Variants in CSMD1 observed in about 807,000 individuals in gnomAD.
CSMD1 encodes the protein CUB and sushi domain-containing protein 1.
In CSMD1, 213 loss-of-function variants were observed where a neutral mutation model predicts 417.5. That is an observed-to-expected ratio of 0.51 (90% confidence interval 0.46 to 0.57). The LOEUF (loss-of-function observed/expected upper bound fraction) is 0.57. Among genes scored for constraint, CSMD1 ranks in the 20% least tolerant of loss-of-function variants. The probability of loss-of-function intolerance (pLI) is 0.00; values close to 1 mark genes in which losing one functional copy is unlikely to be tolerated. For missense variants in CSMD1, 6,923 were observed against 4,529.7 expected (o/e 1.53, Z -15.17); for synonymous variants, 2,862 against 1,736.8 (o/e 1.65, Z -16.11).
rs570900240 is a variant in CSMD1 at position 2,980,097 on chromosome 8, G to A, written c.8378-1297C>T. ...CTTTCATAAGGAGACGGACAGTCCCGGGCTGGAACACTAAAGATATTTTTG... is the reference window on the plus strand; with the variant it reads ...CTTTCATAAGGAGACGGACAGTCCCAGGCTGGAACACTAAAGATATTTTTG... On this transcript the variant is annotated intron_variant, in intron 54 of 69. Transcript: ENST00000635120. Among the ~76,000 whole-genome samples the A allele has an allele frequency of 3.9e-5, 6 of 152,280 alleles. No homozygotes were observed. In the South Asian group the frequency reaches 1.0e-3, roughly 26 times the overall value.
chr8:3,997,880 T>C (rs1209217312), intron 5 of CSMD1, 23 bp downstream of exon 5: 3 of 1,598,148 alleles, frequency 1.9e-6, no homozygotes, highest in Admixed American at 3.4e-5. Flanking sequence ...GTATCCTTTG[T>C]GGCATCTCTT....
chr8:4,965,047 G>A (rs763441873), intron 1 of CSMD1, among the ~76,000 whole-genome samples: 16 of 152,112 alleles, frequency 1.1e-4, no homozygotes, highest in Non-Finnish European at 1.8e-4. Flanking sequence ...TTTAAAGAAG[G>A]AATCAAATAT....
At chr8:4,512,808 T>C (rs1436129166) in intron 2 of CSMD1, among the ~76,000 whole-genome samples, 2 of 143,266 alleles carry the variant, frequency 1.4e-5, no homozygotes, top group East Asian at 2.2e-4. Context: ...ATAGCCCATG[T>C]TCATGGATTT....
At chr8:4,889,082 C>T (rs905934758) in intron 1 of CSMD1, among the ~76,000 whole-genome samples, 1 of 152,018 alleles carries the variant, frequency 6.6e-6, no homozygotes, top group Non-Finnish European at 1.5e-5. Flanking sequence ...AGTGAATGAA[C>T]GTTTGATGAG....
intron 8 of CSMD1, among the ~76,000 whole-genome samples, chr8:3,604,303 G>C (rs943613219): frequency 1.3e-5 from 2 of 152,282 alleles, no homozygotes; most frequent in South Asian, 2.1e-4. Context: ...AGGCTGCGGG[G>C]GGGGACCAAA....
In CSMD1 at chr8:3,991,411, C is replaced by G. The variant is rs148028524; in HGVS notation, c.818+6492G>C. ...CATATATAACCCTGTTTAGTCACAT[C>G]TTTATGCGACAGCTTCATGGTAACA... On this transcript the variant is annotated intron_variant, in intron 5 of 69. Transcript: ENST00000635120. 8.3e-3 allele frequency among the ~76,000 whole-genome samples: 1,258 copies of G among 152,256 alleles called. 12 individuals carry two copies. Among genetic ancestry groups the G allele is most frequent in the African/African-American group, 0.029 (1,190 of 41,546 alleles).
chr8:3,464,498 G>A lies in CSMD1; in HGVS notation c.1561+4214C>T, dbSNP rs145647348. On this transcript the variant is annotated intron_variant, in intron 12 of 69. Transcript: ENST00000635120. ...ATATAAAATGGAGAAACTATGCCCC[G>A]GACTCACATTATCTTTTCTTATATA... is the stretch of plus-strand genomic sequence containing the variant. Among the ~76,000 whole-genome samples, 40 of 150,942 alleles carry A rather than the reference G, an allele frequency of 2.7e-4. 1 individual carries two copies. In the East Asian group the frequency reaches 2.7e-3, roughly 10 times the overall value.
intron 3 of CSMD1, among the ~76,000 whole-genome samples, chr8:4,124,413 T>G (rs1321942750): frequency 6.6e-6 from 1 of 152,202 alleles, no homozygotes; most frequent in African/African-American, 2.4e-5. Flanking sequence ...TATTTAATTT[T>G]TTTCCCTTTA....
At chr8:3,463,745 G>A (rs551693656) in intron 12 of CSMD1, among the ~76,000 whole-genome samples, 9 of 152,136 alleles carry the variant, frequency 5.9e-5, no homozygotes, top group African/African-American at 1.9e-4. Flanking sequence ...GTACAACCAC[G>A]CAAGACGAGA....
At chr8:3,059,728 G>A (rs1005888920) in intron 49 of CSMD1, among the ~76,000 whole-genome samples, 1 of 152,126 alleles carries the variant, frequency 6.6e-6, no homozygotes, top group African/African-American at 2.4e-5. Context: ...GAGGAGAGTG[G>A]ACTGGGGGAG....
intron 1 of CSMD1, among the ~76,000 whole-genome samples, chr8:4,738,523 C>A (rs968715106): frequency 1.3e-5 from 2 of 152,036 alleles, no homozygotes; most frequent in African/African-American, 4.8e-5. Flanking sequence ...TCAATGACAT[C>A]CACCTGGCCA....
At chr8:4,964,796 A>T (rs1483958709) in intron 1 of CSMD1, among the ~76,000 whole-genome samples, 2 of 152,150 alleles carry the variant, frequency 1.3e-5, no homozygotes, top group Non-Finnish European at 2.9e-5. Context: ...TGTTCTTTTT[A>T]TCGTCGTTGT....
At position 4,802,485 on chromosome 8, in the gene CSMD1, T is replaced by A. The variant is rs114394723; in HGVS notation, c.86-164927A>T. ...GAAAACAAACCACGAAATCAAACAA[T>A]AAAAACAAGACACCACTTAAGAAAA... On this transcript the variant is annotated intron_variant, in intron 1 of 69. Coordinates refer to ENST00000635120, the MANE Select transcript of CSMD1 (RefSeq NM_033225.6). Among the ~76,000 whole-genome samples the A allele has an allele frequency of 4.8e-3, 727 of 151,174 alleles. 2 individuals are homozygous for A. The highest frequency in any genetic ancestry group is 0.016 in the African/African-American group (668 of 40,942).
At chr8:3,138,337 G>C (rs1490402797) in intron 41 of CSMD1, among the ~76,000 whole-genome samples, 1 of 152,198 alleles carries the variant, frequency 6.6e-6, no homozygotes, top group Admixed American at 6.5e-5. Context: ...CAGGGATCCA[G>C]ATGACTGAGT....
At chr8:4,688,768 C>G (rs1389821275) in intron 1 of CSMD1, among the ~76,000 whole-genome samples, 1 of 152,092 alleles carries the variant, frequency 6.6e-6, no homozygotes, top group African/African-American at 2.4e-5. Flanking sequence ...GCGGAGATAA[C>G]CCAAGACTCA....
At chr8:4,047,563 G>C (rs1043523850) in intron 3 of CSMD1, among the ~76,000 whole-genome samples, 1 of 151,610 alleles carries the variant, frequency 6.6e-6, no homozygotes, top group Non-Finnish European at 1.5e-5. Context: ...TTTATAGAAT[G>C]CAAATTATGT....
At chr8:4,966,352 C>G (rs1809856865) in intron 1 of CSMD1, among the ~76,000 whole-genome samples, 1 of 152,120 alleles carries the variant, frequency 6.6e-6, no homozygotes, top group East Asian at 1.9e-4. Flanking sequence ...GCACTCCAGC[C>G]TGGGCAACAA....
At chr8:4,676,293 A>G (rs191706699) in intron 1 of CSMD1, among the ~76,000 whole-genome samples, 71 of 152,214 alleles carry the variant, frequency 4.7e-4, no homozygotes, top group African/African-American at 1.7e-3. Flanking sequence ...TAAATTAGCC[A>G]TGTTTCTCAT....
intron 1 of CSMD1, among the ~76,000 whole-genome samples, chr8:4,675,273 T>G (rs2130959129): frequency 6.6e-6 from 1 of 152,302 alleles, no homozygotes; most frequent in South Asian, 2.1e-4. Flanking sequence ...ACTTCTTATC[T>G]CTGAAGGGGC....
Sources: gnomAD v4.1 joint callset for allele counts (sites outside exome capture counted in the v4.1 genomes callset) on GRCh38, gnomAD v4.1.1 for gene constraint, MANE v1.5 for transcripts, NCBI Gene and HGNC (gene_info 2026-07-23, HGNC 2026-07-21) for gene names.